BORCS5: variants seen among roughly 807,000 people sequenced by gnomAD.
BORCS5 encodes BLOC-1 related complex subunit 5, also known as BLOC-1-related complex subunit 5.
In BORCS5, 17 loss-of-function variants were observed where a neutral mutation model predicts 22.1. That is an observed-to-expected ratio of 0.77 (90% CI 0.53 to 1.15). BORCS5 has a LOEUF of 1.15. Ranked by LOEUF, BORCS5 falls within the 50% of genes most tolerant of loss-of-function variation. The probability of loss-of-function intolerance (pLI) is 0.00; values close to 1 mark genes in which losing one functional copy is unlikely to be tolerated. For missense variants in BORCS5, 247 were observed against 253.2 expected (o/e 0.98, Z 0.17); for synonymous variants, 117 against 99.8 (o/e 1.17, Z -1.03).
At chr12:12,465,444 C>T in intron 3 of BORCS5, 102 bp from the exon 4 acceptor site, 1 of 1,007,576 alleles carries the variant, frequency 9.9e-7, no homozygotes, top group Non-Finnish European at 1.5e-6. Context: ...TGTCAGCTTC[C>T]ACTGGATCTG....
chr12:12,433,285 T>G (rs2136122064), intron 2 of BORCS5, among the ~76,000 whole-genome samples: 1 of 138,654 alleles, frequency 7.2e-6, no homozygotes, highest in East Asian at 2.2e-4. Context: ...ATCATTCCAC[T>G]GTGCTCCAGC....
chr12:12,381,035 C>T (rs1372242423), intron 2 of BORCS5, among the ~76,000 whole-genome samples: 2 of 140,826 alleles, frequency 1.4e-5, no homozygotes, highest in Non-Finnish European at 3.1e-5. Context: ...TTTTTGAGAC[C>T]GAGTCTCACT....
At chr12:12,438,360 C>CAAAAAAAAAAAAAAAAAAAAA (rs57737663) in intron 3 of BORCS5, among the ~76,000 whole-genome samples, 7 of 23,804 alleles carry the variant, frequency 2.9e-4, no homozygotes, top group Non-Finnish European at 4.1e-4. Context: ...GATTTCATCT[C>CAAAAAAAAAAAAAAAAAAAAA]AAAAAAAAAA....
intron 2 of BORCS5, among the ~76,000 whole-genome samples, chr12:12,423,819 G>A (rs1341195825): frequency 6.6e-6 from 1 of 152,030 alleles, no homozygotes; most frequent in Non-Finnish European, 1.5e-5. Context: ...CTCCCAAGTA[G>A]CTGGGACTAC....
At chr12:12,434,056 G>C (rs1942496797) in intron 2 of BORCS5, among the ~76,000 whole-genome samples, 1 of 152,020 alleles carries the variant, frequency 6.6e-6, no homozygotes, top group Non-Finnish European at 1.5e-5. Flanking sequence ...CTTACACTGA[G>C]GCGGGAGGAT....
intron 2 of BORCS5, among the ~76,000 whole-genome samples, chr12:12,425,348 A>G (rs1942256956): frequency 6.6e-6 from 1 of 152,196 alleles, no homozygotes; most frequent in African/African-American, 2.4e-5. Context: ...AGTTGGGAAG[A>G]TAAATTCCTG....
At chr12:12,409,242 T>TGTATA (rs1941661186) in intron 2 of BORCS5, among the ~76,000 whole-genome samples, 1 of 152,048 alleles carries the variant, frequency 6.6e-6, no homozygotes, top group Non-Finnish European at 1.5e-5. Context: ...TTATTATACT[T>TGTATA]TAAGTTTTAG....
At chr12:12,363,196 C>T (rs1863330437) in intron 2 of BORCS5, among the ~76,000 whole-genome samples, 1 of 151,360 alleles carries the variant, frequency 6.6e-6, no homozygotes, top group African/African-American at 2.4e-5. Flanking sequence ...AGTTGGGAAG[C>T]TGTTGTAGAA....
At chr12:12,361,011 G>A (rs1216022854) in intron 1 of BORCS5, among the ~76,000 whole-genome samples, 195 bp from the exon 2 acceptor site, 2 of 152,138 alleles carry the variant, frequency 1.3e-5, no homozygotes, top group Non-Finnish European at 2.9e-5. Flanking sequence ...ATGAGCCACC[G>A]TGCCTGGCTC....
At chr12:12,464,669 C>T (rs983233815) in intron 3 of BORCS5, among the ~76,000 whole-genome samples, 68 of 152,052 alleles carry the variant, frequency 4.5e-4, no homozygotes, top group African/African-American at 1.4e-3. Context: ...AACACGATGG[C>T]GGTCTCTCTC....
At chr12:12,411,147 A>G (rs1263620861) in intron 2 of BORCS5, among the ~76,000 whole-genome samples, 1 of 152,162 alleles carries the variant, frequency 6.6e-6, no homozygotes. Context: ...GGTTTTCTAG[A>G]TATACAATCA....
chr12:12,421,144 G>T (rs1942112492), intron 2 of BORCS5, among the ~76,000 whole-genome samples: 2 of 152,144 alleles, frequency 1.3e-5, no homozygotes. Context: ...CAAAGGGAAT[G>T]CTTCCAGTTT....
chr12:12,451,600 C>T (rs772130256), intron 3 of BORCS5, among the ~76,000 whole-genome samples: 4 of 152,016 alleles, frequency 2.6e-5, no homozygotes, highest in African/African-American at 9.7e-5. Context: ...CAACATTGAA[C>T]TGGCTGGGCG....
chr12:12,397,270 C>T (rs1438071332), intron 2 of BORCS5, among the ~76,000 whole-genome samples: 1 of 152,080 alleles, frequency 6.6e-6, no homozygotes, highest in African/African-American at 2.4e-5. Context: ...AAACTGATTC[C>T]CCTAGGGTGA....
At position 12,357,279 on chromosome 12, in the gene BORCS5, C is replaced by T; in HGVS notation, c.-173C>T. ...CCAAATAGGGCCTCTCCTTCTCCCG[C>T]CGCCCAGGCCCCTGCGTGGGCTGGA... On this transcript the variant is annotated 5_prime_UTR_variant, in exon 1 of 4. Coordinates refer to ENST00000314565, the MANE Select transcript of BORCS5 (RefSeq NM_058169.6). The T allele has an allele frequency of 6.9e-7, 1 of 1,452,970 alleles. No individual in the cohort carries two copies. Among genetic ancestry groups the T allele is most frequent in the Non-Finnish European group, 9.1e-7 (1 of 1,103,966 alleles). The allele number at this position is 1,452,970 out of a possible 1,614,324, so 90.0% of individuals were successfully genotyped here. A position where few individuals can be genotyped will look rare whatever the true frequency, so the allele number is the denominator to read the frequency against.
At chr12:12,403,886 TG>T (rs1354025329) in intron 2 of BORCS5, among the ~76,000 whole-genome samples, 12 of 152,332 alleles carry the variant, frequency 7.9e-5, no homozygotes, top group African/African-American at 2.9e-4. Flanking sequence ...CAGGATATAT[TG>T]TGTATTTTTT....
intron 2 of BORCS5, among the ~76,000 whole-genome samples, chr12:12,434,653 C>G (rs1420428888): frequency 6.6e-6 from 1 of 152,154 alleles, no homozygotes; most frequent in Non-Finnish European, 1.5e-5. Context: ...CCAGTGGCAT[C>G]ATTTCACTTT....
At chr12:12,416,820 T>A (rs11054894) in intron 2 of BORCS5, among the ~76,000 whole-genome samples, 4,526 of 144,974 alleles carry the variant, frequency 0.031, 263 homozygotes, top group African/African-American at 0.11. Context: ...CTTGCTTTGT[T>A]GCCCAGGCTG....
intron 2 of BORCS5, among the ~76,000 whole-genome samples, chr12:12,368,067 T>C (rs1319257097): frequency 6.6e-6 from 1 of 152,182 alleles, no homozygotes; most frequent in African/African-American, 2.4e-5. Flanking sequence ...CCTCTGCCAT[T>C]TGGGAAGTTC....
Sources: allele counts gnomAD v4.1 joint callset (sites outside exome capture counted in the v4.1 genomes callset), GRCh38; gene constraint gnomAD v4.1.1; transcripts MANE v1.5; gene names NCBI Gene and HGNC (gene_info 2026-07-23, HGNC 2026-07-21).